CCDC148: variants seen among roughly 807,000 people sequenced by gnomAD.
CCDC148 encodes coiled-coil domain containing 148, also known as coiled-coil domain-containing protein 148.
CCDC148 carries 89 observed loss-of-function variants against 85.7 expected under a neutral mutation model. That is an observed-to-expected ratio of 1.04 (90% CI 0.87 to 1.24). CCDC148 has a LOEUF of 1.24. Ranked by LOEUF, CCDC148 falls within the 50% of genes most tolerant of loss-of-function variation. The probability of loss-of-function intolerance (pLI) is 0.00; values close to 1 mark genes in which losing one functional copy is unlikely to be tolerated. For synonymous variants in CCDC148, 230 were observed against 213.9 expected (o/e 1.08, Z -0.66); for missense variants, 692 against 671.7 (o/e 1.03, Z -0.33).
At chr2:158,341,735 G>T (rs1051034146) in intron 3 of CCDC148, among the ~76,000 whole-genome samples, 1 of 151,926 alleles carries the variant, frequency 6.6e-6, no homozygotes, top group African/African-American at 2.4e-5. Context: ...TCATATAAAA[G>T]AGTTTTATGA....
At chr2:158,201,872 TCA>T (rs1685982038) in intron 11 of CCDC148, among the ~76,000 whole-genome samples, 1 of 152,222 alleles carries the variant, frequency 6.6e-6, no homozygotes, top group African/African-American at 2.4e-5. Context: ...TTCTTAGGTA[TCA>T]CAATGGTATC....
chr2:158,218,625 A>T (rs192034605), intron 11 of CCDC148, among the ~76,000 whole-genome samples: 1 of 152,290 alleles, frequency 6.6e-6, no homozygotes, highest in East Asian at 1.9e-4. Flanking sequence ...TGTTTTCCCC[A>T]TTCCTTTTAA....
intron 1 of CCDC148, among the ~76,000 whole-genome samples, chr2:158,403,660 G>A (rs1040283480): frequency 9.2e-5 from 14 of 151,394 alleles, no homozygotes; most frequent in Admixed American, 3.3e-4. Context: ...AAGCCATAAC[G>A]CTGCCAAGAT....
chr2:158,275,192 T>A lies in CCDC148; in HGVS notation c.1111-24280A>T, dbSNP rs183807320. 1.1e-4 allele frequency among the ~76,000 whole-genome samples: 17 copies of A among 152,304 alleles called. No homozygotes were observed. In the East Asian group the frequency reaches 2.7e-3, roughly 24 times the overall value. ...ATCGCTAAGAATCTGTAGAATAAAT[T>A]CTAGTCCCAAATCAAATGCCAATGA... On this transcript the variant is annotated intron_variant, in intron 9 of 13. Coordinates refer to ENST00000283233, the MANE Select transcript of CCDC148 (RefSeq NM_138803.4).
Position 158,196,168 on chromosome 2 carries a change from T to C in CCDC148, c.1371-17172A>G, listed in dbSNP as rs143092007. Reference sequence around the variant, plus strand: ...TTAAATTATGTAAATTTACACAAAATCAATTATATTAAAAACAAAGGTAAC... The same window carrying C: ...TTAAATTATGTAAATTTACACAAAACCAATTATATTAAAAACAAAGGTAAC... On this transcript the variant is annotated intron_variant, in intron 11 of 13. Transcript: ENST00000283233. Among the ~76,000 whole-genome samples the C allele has an allele frequency of 4.7e-3, 714 of 152,236 alleles. 1 individual carries two copies. The highest frequency in any genetic ancestry group is 0.016 in the African/African-American group (650 of 41,546).
At chr2:158,443,301 C>T (rs911540194) in intron 1 of CCDC148, among the ~76,000 whole-genome samples, 2 of 151,656 alleles carry the variant, frequency 1.3e-5, no homozygotes, top group South Asian at 2.1e-4. Context: ...TTGATACCAA[C>T]CTGGGCAATA....
At chr2:158,308,637 A>C (rs1236147904) in intron 9 of CCDC148, among the ~76,000 whole-genome samples, 1 of 152,148 alleles carries the variant, frequency 6.6e-6, no homozygotes, top group Non-Finnish European at 1.5e-5. Context: ...TTATCAACTT[A>C]AGATTTGTGC....
At chr2:158,272,105 T>C (rs1180201962) in intron 9 of CCDC148, among the ~76,000 whole-genome samples, 1 of 152,194 alleles carries the variant, frequency 6.6e-6, no homozygotes, top group African/African-American at 2.4e-5. Flanking sequence ...GGACAAAATA[T>C]AAGTTAGCTC....
chr2:158,425,329 G>A, intron 1 of CCDC148: 1 of 516,018 alleles, frequency 1.9e-6, no homozygotes, highest in Non-Finnish European at 3.9e-6. Flanking sequence ...GAGAAAACAG[G>A]AGATGATGCT....
chr2:158,411,605 CTAAT>C (rs1189025469), intron 1 of CCDC148, among the ~76,000 whole-genome samples: 3 of 152,032 alleles, frequency 2.0e-5, no homozygotes, highest in African/African-American at 4.8e-5. Context: ...ATTAAGTTGT[CTAAT>C]TGTGTTCTCT....
At chr2:158,377,602 C>T (rs1387378023) in intron 1 of CCDC148, among the ~76,000 whole-genome samples, 2 of 152,026 alleles carry the variant, frequency 1.3e-5, no homozygotes, top group Non-Finnish European at 1.5e-5. Flanking sequence ...ACAGGCATAC[C>T]TTGTTTTGTG....
At chr2:158,352,625 G>A (rs1683381409) in intron 2 of CCDC148, among the ~76,000 whole-genome samples, 1 of 152,194 alleles carries the variant, frequency 6.6e-6, no homozygotes, top group Non-Finnish European at 1.5e-5. Context: ...GTGATGGGAA[G>A]AATGGAACCA....
rs192271963 is a variant in CCDC148, at chr2:158,426,620, T to C, written c.25+29795A>G. On this transcript the variant is annotated intron_variant, in intron 1 of 13. Coordinates refer to ENST00000283233, the MANE Select transcript of CCDC148 (RefSeq NM_138803.4). Reference sequence around the variant, plus strand: ...TGAATTTGGCATTCAGTGTAGTTAATTGGATTTAAGGATGTTTGTCTCCAG... The same window carrying C: ...TGAATTTGGCATTCAGTGTAGTTAACTGGATTTAAGGATGTTTGTCTCCAG... 1.3e-3 allele frequency among the ~76,000 whole-genome samples: 205 copies of C among 152,284 alleles called. 1 individual carries two copies. Among genetic ancestry groups the C allele is most frequent in the African/African-American group, 4.4e-3 (184 of 41,556 alleles).
chr2:158,174,734 AG>A (rs1411208849), intron 13 of CCDC148, among the ~76,000 whole-genome samples: 1 of 152,040 alleles, frequency 6.6e-6, no homozygotes, highest in African/African-American at 2.4e-5. Flanking sequence ...TCATTACTGT[AG>A]GAAGTTGTAA....
intron 13 of CCDC148, among the ~76,000 whole-genome samples, chr2:158,174,073 T>G (rs896993331): frequency 6.6e-6 from 1 of 152,008 alleles, no homozygotes; most frequent in Non-Finnish European, 1.5e-5. Context: ...CTGTTTTTCT[T>G]TCTGTATTCT....
intron 1 of CCDC148, among the ~76,000 whole-genome samples, chr2:158,439,493 G>A (rs1687838028): frequency 6.6e-6 from 1 of 152,018 alleles, no homozygotes; most frequent in African/African-American, 2.4e-5. Context: ...GCGGCAGGGG[G>A]GAGAGATAGC....
chr2:158,424,124 G>T (rs1021410634), intron 1 of CCDC148, among the ~76,000 whole-genome samples: 2 of 152,190 alleles, frequency 1.3e-5, no homozygotes, highest in Non-Finnish European at 2.9e-5. Context: ...TGGTGGGACT[G>T]TAAACTAGTT....
chr2:158,262,714 C>T (rs1689284288), intron 9 of CCDC148, among the ~76,000 whole-genome samples: 2 of 151,864 alleles, frequency 1.3e-5, no homozygotes, highest in Non-Finnish European at 2.9e-5. Context: ...CATCAGATCT[C>T]ATGAGAACTC....
chr2:158,400,113 C>T (rs1380391181), intron 1 of CCDC148, among the ~76,000 whole-genome samples: 8 of 152,072 alleles, frequency 5.3e-5, no homozygotes, highest in South Asian at 2.1e-4. Context: ...GAATCAATAT[C>T]GTGAAAATGG....
Sources: allele counts gnomAD v4.1 joint callset (sites outside exome capture counted in the v4.1 genomes callset), GRCh38; gene constraint gnomAD v4.1.1; transcripts MANE v1.5; gene names NCBI Gene and HGNC (gene_info 2026-07-23, HGNC 2026-07-21).